The following KCNN3 variants were observed in gnomAD, a reference collection of about 807,000 sequenced individuals.
The protein encoded by KCNN3 is small conductance calcium-activated potassium channel protein 3.
KCNN3 carries 16 observed loss-of-function variants against 62.9 expected under a neutral mutation model. The observed-to-expected ratio is 0.25, with a 90% CI of 0.17 to 0.39. KCNN3 has a LOEUF of 0.39. Among genes scored for constraint, KCNN3 ranks in the 10% least tolerant of loss-of-function variants. The pLI is 1.00. For missense variants in KCNN3, 599 were observed against 949.4 expected (o/e 0.63, Z 4.85); for synonymous variants, 370 against 389.2 (o/e 0.95, Z 0.58).
intron 5 of KCNN3, among the ~76,000 whole-genome samples, chr1:154,716,525 CTT>C (rs1178650606): frequency 6.6e-6 from 1 of 152,142 alleles, no homozygotes; most frequent in Non-Finnish European, 1.5e-5. Context: ...AGGCTGATAA[CTT>C]TTGTGTGTGT....
intron 2 of KCNN3, among the ~76,000 whole-genome samples, chr1:154,779,806 G>A (rs1648947028): frequency 6.6e-6 from 1 of 152,336 alleles, no homozygotes; most frequent in African/African-American, 2.4e-5. Flanking sequence ...GCGAGGGATA[G>A]TACAGAAAGC....
intron 1 of KCNN3, chr1:154,868,028 G>A (rs1653020918): frequency 8.1e-6 from 8 of 985,388 alleles, no homozygotes; most frequent in Middle Eastern, 5.2e-4. Context: ...GAGCAGTGGG[G>A]CCAGCTCCCC....
intron 1 of KCNN3, among the ~76,000 whole-genome samples, chr1:154,863,342 T>C (rs1433509984): frequency 6.6e-6 from 1 of 152,156 alleles, no homozygotes; most frequent in Non-Finnish European, 1.5e-5. Flanking sequence ...GTCTCAGAAT[T>C]CCCCACCCTC....
In KCNN3 at chr1:154,809,757, C is replaced by A. The variant is rs774988672; in HGVS notation, c.1029+12332G>T. On this transcript the variant is annotated intron_variant, in intron 2 of 7. Transcript: ENST00000271915. The surrounding 1 kb of genome is among the most constrained non-coding windows in gnomAD (Gnocchi z 4.3). ...GTACAGTTCTCACCTAAAAAGCCAACGGTATTAGGAAGGATGGGAGATTGA... is the reference window on the plus strand; with the variant it reads ...GTACAGTTCTCACCTAAAAAGCCAAAGGTATTAGGAAGGATGGGAGATTGA... Among the ~76,000 whole-genome samples, 1 of 152,060 alleles carries A rather than the reference C, an allele frequency of 6.6e-6. No homozygotes were observed. Among genetic ancestry groups the A allele is most frequent in the African/African-American group, 2.4e-5 (1 of 41,396 alleles).
At chr1:154,708,573 C>T (rs1349232026) in intron 7 of KCNN3, among the ~76,000 whole-genome samples, 1 of 151,728 alleles carries the variant, frequency 6.6e-6, no homozygotes, top group Non-Finnish European at 1.5e-5. Flanking sequence ...TAAACTGTCT[C>T]ATGTTCTCAC....
chr1:154,733,926 C>A (rs1369083673), intron 3 of KCNN3, among the ~76,000 whole-genome samples: 1 of 152,220 alleles, frequency 6.6e-6, no homozygotes, highest in African/African-American at 2.4e-5. Context: ...AGGGACCCAG[C>A]CCAAGAGAGG....
At chr1:154,868,523 T>A (rs1653039017) in intron 1 of KCNN3, among the ~76,000 whole-genome samples, 1 of 114,452 alleles carries the variant, frequency 8.7e-6, no homozygotes, top group Non-Finnish European at 1.7e-5. Flanking sequence ...ACCCAGACAT[T>A]TATTTCTTTT....
At chr1:154,709,085 T>G (rs574517574) in intron 7 of KCNN3, among the ~76,000 whole-genome samples, 14 of 152,222 alleles carry the variant, frequency 9.2e-5, no homozygotes, top group Admixed American at 2.0e-4. Context: ...AGCTCCCCAG[T>G]ACCCCTCCTG....
At chr1:154,714,138 G>A (rs1319810149) in intron 6 of KCNN3, among the ~76,000 whole-genome samples, 1 of 138,898 alleles carries the variant, frequency 7.2e-6, no homozygotes, top group Non-Finnish European at 1.5e-5. Flanking sequence ...TGTGTGTGTG[G>A]TGTTTGTGTG....
chr1:154,709,750 A>G (rs916079418), intron 7 of KCNN3, among the ~76,000 whole-genome samples: 11 of 152,110 alleles, frequency 7.2e-5, no homozygotes, highest in African/African-American at 2.4e-4. Flanking sequence ...AAGTGAAAGT[A>G]CTCCCTTTAT....
rs1175745920 is a variant in KCNN3, at chr1:154,862,499, C to T, written c.933+6533G>A. Among the ~76,000 whole-genome samples, 1 of 152,062 alleles carries T rather than the reference C, an allele frequency of 6.6e-6. No homozygotes were observed. The highest frequency in any genetic ancestry group is 1.5e-5 in the Non-Finnish European group (1 of 67,992). Reference sequence around the variant, plus strand: ...CAGTCAGGTCTAGGGGTCCTGCTGGCCCTCCAGGGGTGGAAGGTGGGGGTG... The same window carrying T: ...CAGTCAGGTCTAGGGGTCCTGCTGGTCCTCCAGGGGTGGAAGGTGGGGGTG... On this transcript the variant is annotated intron_variant, in intron 1 of 7. Transcript: ENST00000271915. The surrounding 1 kb of genome is among the most constrained non-coding windows in gnomAD (Gnocchi z 4.1).
rs900283054 is a variant in KCNN3 at position 154,870,165 on chromosome 1, G to A, written c.-201C>T. ...CTCAAGAATGCATTGTATTGGGCAG[G>A]GAGGGAGAGCAGGAGGGGAGCTTGG... On this transcript the variant is annotated 5_prime_UTR_variant, in exon 1 of 8. Coordinates refer to ENST00000271915, the MANE Select transcript of KCNN3 (RefSeq NM_002249.6). The A allele has an allele frequency of 2.8e-6, 2 of 726,084 alleles. No homozygotes were observed. Among genetic ancestry groups the A allele is most frequent in the African/African-American group, 1.7e-5 (1 of 57,512 alleles). 45.0% of individuals were successfully genotyped at this position (726,084 alleles called of 1,614,324 possible).
At chr1:154,837,309 CT>C (rs548582201) in intron 1 of KCNN3, among the ~76,000 whole-genome samples, 1 of 151,752 alleles carries the variant, frequency 6.6e-6, no homozygotes, top group African/African-American at 2.4e-5. Context: ...TTGTGTTTTT[CT>C]TTTTTTTGCA....
intron 3 of KCNN3, among the ~76,000 whole-genome samples, chr1:154,748,349 A>G (rs1456704763): frequency 2.6e-5 from 4 of 152,212 alleles, no homozygotes; most frequent in Non-Finnish European, 4.4e-5. Context: ...CATCAGTCAC[A>G]GAGCGTGACT....
At chr1:154,715,067 T>C in intron 5 of KCNN3, 64 bp from the exon 6 acceptor site, 1 of 1,590,206 alleles carries the variant, frequency 6.3e-7, no homozygotes, top group South Asian at 1.1e-5. Flanking sequence ...TTTTTGTGGT[T>C]GCTACTGTAG....
chr1:154,735,711 C>G (rs1425400040), intron 3 of KCNN3, among the ~76,000 whole-genome samples: 1 of 152,214 alleles, frequency 6.6e-6, no homozygotes, highest in African/African-American at 2.4e-5. Context: ...CAGCTGTCTC[C>G]CTGGCCTGCT....
At chr1:154,812,127 T>C (rs1257735029) in intron 2 of KCNN3, among the ~76,000 whole-genome samples, 2 of 152,184 alleles carry the variant, frequency 1.3e-5, no homozygotes, top group Admixed American at 6.5e-5. Context: ...ACACCCCTGA[T>C]TGAGAACCGC....
intron 1 of KCNN3, among the ~76,000 whole-genome samples, chr1:154,855,111 A>G (rs1311642024): frequency 2.0e-5 from 3 of 152,084 alleles, no homozygotes; most frequent in Non-Finnish European, 4.4e-5. Flanking sequence ...CCAGGTACTC[A>G]GGAGGCTGAG....
At chr1:154,785,343 G>T (rs1649230545) in intron 2 of KCNN3, among the ~76,000 whole-genome samples, 1 of 152,088 alleles carries the variant, frequency 6.6e-6, no homozygotes, top group Admixed American at 6.5e-5. Flanking sequence ...ACAGCCTAGG[G>T]AGCTGAAGAA....
Sources: gnomAD v4.1 joint callset for allele counts (sites outside exome capture counted in the v4.1 genomes callset) on GRCh38, gnomAD v4.1.1 for gene constraint, Gnocchi (gnomAD v3.1) non-coding constraint, MANE v1.5 for transcripts, NCBI Gene and HGNC (gene_info 2026-07-23, HGNC 2026-07-21) for gene names.